CDC73: variants seen among roughly 807,000 people sequenced by gnomAD.
CDC73 encodes the protein cell division cycle 73.
CDC73 carries 21 observed loss-of-function variants against 83.7 expected under a neutral mutation model. That is an observed-to-expected ratio of 0.25 (90% confidence interval 0.18 to 0.36). The LOEUF is 0.36. Ranked by LOEUF, CDC73 falls within the 10% of genes least tolerant of loss-of-function variation. The probability of loss-of-function intolerance (pLI) is 1.00; values close to 1 mark genes in which losing one functional copy is unlikely to be tolerated. For missense variants in CDC73, 342 were observed against 653.3 expected (o/e 0.52, Z 5.19); for synonymous variants, 224 against 212.9 (o/e 1.05, Z -0.45).
At chr1:193,232,529 C>T (rs1677678345) in intron 13 of CDC73, among the ~76,000 whole-genome samples, 1 of 152,082 alleles carries the variant, frequency 6.6e-6, no homozygotes, top group Non-Finnish European at 1.5e-5. Flanking sequence ...GAGGAAAGAC[C>T]TATACACTCC....
In CDC73 at chr1:193,122,712, A is replaced by AT. The variant is rs540020943; in HGVS notation, c.131+391dup. Among the ~76,000 whole-genome samples the AT allele has an allele frequency of 4.2e-4, 62 of 148,412 alleles. 1 individual carries two copies. The highest frequency in any genetic ancestry group is 5.9e-4 in the East Asian group (3 of 5,070). ...CCGTAGACGCCTCTTTTTGTTCTTT[A>AT]TTTTTTTTTTCTCTTTTCCAGGCTG... On this transcript the variant is annotated intron_variant, in intron 1 of 16. Transcript: ENST00000367435.
chr1:193,252,160 A>G lies in CDC73; in HGVS notation c.*1448A>G, dbSNP rs1221928811. 1 of 231,052 alleles carries G rather than the reference A, an allele frequency of 4.3e-6. No individual in the cohort carries two copies. The highest frequency in any genetic ancestry group is 8.6e-6 in the Non-Finnish European group (1 of 116,686). 14.3% of individuals were successfully genotyped at this position (231,052 alleles called of 1,614,324 possible). A position where few individuals can be genotyped will look rare whatever the true frequency, so the allele number is the denominator to read the frequency against. On this transcript the variant is annotated 3_prime_UTR_variant, in exon 17 of 17. Coordinates refer to ENST00000367435, the MANE Select transcript of CDC73 (RefSeq NM_024529.5). ...ACATGATATTTACAAGGCTCTTCAG[A>G]AGGGAACAGTCAGCATTTTAAATTA... is the stretch of plus-strand genomic sequence containing the variant.
At chr1:193,180,966 G>A (rs758475386) in intron 10 of CDC73, 2 of 1,613,410 alleles carry the variant, frequency 1.2e-6, no homozygotes, top group East Asian at 4.5e-5. Context: ...GTTGAAGGTA[G>A]CCATTTAGCT....
At chr1:193,182,231 A>ATC (rs1224229106) in intron 10 of CDC73, among the ~76,000 whole-genome samples, 1 of 152,122 alleles carries the variant, frequency 6.6e-6, no homozygotes, top group African/African-American at 2.4e-5. Flanking sequence ...CTGTGTTGAG[A>ATC]AAGTCAATGA....
chr1:193,141,988 G>C lies in CDC73; in HGVS notation c.651G>C (p.Glu217Asp). 6.2e-7 allele frequency: 1 copy of C among 1,613,910 alleles called. No individual in the cohort carries two copies. Among genetic ancestry groups the C allele is most frequent in the Non-Finnish European group, 8.5e-7 (1 of 1,179,888 alleles). Residue 217 changes from glutamate to aspartate, a missense_variant, in exon 7 of 17, where the codon GAG becomes GAC. Physicochemically the swap from Glu to Asp is conservative, Grantham distance 45. Around this residue, in one of 3 missense-constraint regions of CDC73, gnomAD observed 239 missense variants for 420.6 expected, o/e 0.57. Coordinates refer to ENST00000367435, the MANE Select transcript of CDC73 (RefSeq NM_024529.5). ...ALKQRSFVDA[E>D]VDVTRDIVSR... is the part of the protein sequence containing the mutation. ...AACAGAGGAGTTTTGTGGATGCTGA[G>C]GTAGATGTGACCCGAGATATTGTCA...
At chr1:193,158,617 A>G (rs547965120) in intron 10 of CDC73, among the ~76,000 whole-genome samples, 2 of 152,162 alleles carry the variant, frequency 1.3e-5, no homozygotes, top group Admixed American at 6.5e-5. Context: ...TTTTTTCTGT[A>G]CTCTGTGTTT....
At chr1:193,150,113 A>C (rs1676079650) in intron 8 of CDC73, among the ~76,000 whole-genome samples, 191 bp from the exon 9 acceptor site, 4 of 152,092 alleles carry the variant, frequency 2.6e-5, no homozygotes, top group Admixed American at 6.6e-5. Context: ...CTTTATAAAA[A>C]AAAAAAAATT....
At chr1:193,124,247 T>C (rs1675523112) in intron 1 of CDC73, among the ~76,000 whole-genome samples, 2 of 152,244 alleles carry the variant, frequency 1.3e-5, no homozygotes, top group Admixed American at 6.5e-5. Context: ...TATAAAACAC[T>C]AAACAATACT....
At chr1:193,199,897 G>A (rs2103174711) in intron 10 of CDC73, among the ~76,000 whole-genome samples, 1 of 151,988 alleles carries the variant, frequency 6.6e-6, no homozygotes, top group South Asian at 2.1e-4. Flanking sequence ...CAACAGAAAA[G>A]TAGATAGGAA....
intron 13 of CDC73, among the ~76,000 whole-genome samples, chr1:193,230,940 G>T (rs541557047): frequency 1.3e-5 from 2 of 152,116 alleles, no homozygotes; most frequent in Non-Finnish European, 2.9e-5. Context: ...AAGAAAATAC[G>T]TAGATATAAT....
At position 193,177,546 on chromosome 1, in the gene CDC73, A is replaced by AG. The variant is rs1676630553; in HGVS notation, c.972+25102_972+25103insG. Among the ~76,000 whole-genome samples the AG allele has an allele frequency of 9.3e-5, 14 of 151,328 alleles. No homozygotes were observed. In the South Asian group the frequency reaches 2.9e-3, roughly 32 times the overall value. ...CTCTGTCTAAAAAAAAAAAAAAAAA[A>AG]AGAACATGATCCTTGAAATGGAAAT... is the stretch of plus-strand genomic sequence containing the variant. On this transcript the variant is annotated intron_variant, in intron 10 of 16. Coordinates refer to ENST00000367435, the MANE Select transcript of CDC73 (RefSeq NM_024529.5).
intron 13 of CDC73, among the ~76,000 whole-genome samples, chr1:193,226,440 A>G (rs185510122): frequency 1.3e-5 from 2 of 152,252 alleles, no homozygotes; most frequent in African/African-American, 4.8e-5. Context: ...ATTCAGAACT[A>G]CGTTAGCTGT....
chr1:193,221,067 G>C (rs1677461815), intron 13 of CDC73, among the ~76,000 whole-genome samples: 1 of 152,132 alleles, frequency 6.6e-6, no homozygotes, highest in African/African-American at 2.4e-5. Flanking sequence ...GATTTCTTCA[G>C]AGACAAGGGC....
In CDC73 at chr1:193,180,227, T is replaced by C. The variant is rs1676689184; in HGVS notation, c.973-23568T>C. On this transcript the variant is annotated intron_variant, in intron 10 of 16. Transcript: ENST00000367435. ...ACTAAAACTTGTCCTACGGATGTAA[T>C]CAGTTCTAACTATACATGCTTTTAG... 3 of 1,360,178 alleles carry C rather than the reference T, an allele frequency of 2.2e-6. No individual in the cohort carries two copies. In the South Asian group the frequency reaches 4.9e-5, roughly 22 times the overall value. The allele number at this position is 1,360,178 out of a possible 1,614,324, so 84.3% of individuals were successfully genotyped here. A position where few individuals can be genotyped will look rare whatever the true frequency, so the allele number is the denominator to read the frequency against.
intron 3 of CDC73, among the ~76,000 whole-genome samples, chr1:193,133,541 C>G (rs1422794802): frequency 2.0e-5 from 3 of 152,032 alleles, no homozygotes; most frequent in Non-Finnish European, 4.4e-5. Context: ...ACTAGATACA[C>G]TAATAAAAAA....
At chr1:193,131,994 GTTGT>G (rs1292323735) in intron 3 of CDC73, among the ~76,000 whole-genome samples, 6 of 152,194 alleles carry the variant, frequency 3.9e-5, no homozygotes, top group Admixed American at 1.3e-4. Context: ...GGGACAGACA[GTTGT>G]TTGTCTTGTT....
chr1:193,162,368 G>GTA lies in CDC73; in HGVS notation c.972+9937_972+9938dup, dbSNP rs775458466. On this transcript the variant is annotated intron_variant, in intron 10 of 16. Coordinates refer to ENST00000367435, the MANE Select transcript of CDC73 (RefSeq NM_024529.5). ...TATATACATATATATTATATATAGTGTATATATATATATACACATATGAAG... is the reference window on the plus strand; with the variant it reads ...TATATACATATATATTATATATAGTGTATATATATATATATACACATATGAAG... Among the ~76,000 whole-genome samples the GTA allele has an allele frequency of 4.5e-3, 603 of 133,980 alleles. 3 individuals carry two copies. Among genetic ancestry groups the GTA allele is most frequent in the African/African-American group, 0.013 (463 of 35,502 alleles). The allele number at this position is 133,980 out of a possible 152,430, so 87.9% of individuals were successfully genotyped here.
chr1:193,199,335 G>A (rs1182988087), intron 10 of CDC73, among the ~76,000 whole-genome samples: 3 of 152,042 alleles, frequency 2.0e-5, no homozygotes, highest in African/African-American at 7.2e-5. Context: ...GGAGGCCAAG[G>A]CAGGAGGTTT....
chr1:193,240,744 G>A (rs961400109), intron 15 of CDC73, among the ~76,000 whole-genome samples: 1 of 151,916 alleles, frequency 6.6e-6, no homozygotes, highest in Non-Finnish European at 1.5e-5. Flanking sequence ...TTAGTCCCTT[G>A]TTGGAAGAAT....
Sources: allele counts gnomAD v4.1 joint callset (sites outside exome capture counted in the v4.1 genomes callset), GRCh38; gene constraint gnomAD v4.1.1; regional missense constraint gnomAD v4.1.1; transcripts MANE v1.5; gene names NCBI Gene and HGNC (gene_info 2026-07-23, HGNC 2026-07-21).